The following CRAMP1 variants were observed in gnomAD, a reference collection of about 807,000 sequenced individuals.
CRAMP1 encodes the protein cramped chromatin regulator 1.
Under a neutral mutation model 115.4 loss-of-function variants are expected in CRAMP1, and 50 were observed. The observed-to-expected ratio is 0.43, with a 90% CI of 0.35 to 0.55. The LOEUF (loss-of-function observed/expected upper bound fraction) is 0.55, where lower values mean the gene tolerates loss of function less well. Among genes scored for constraint, CRAMP1 ranks in the 20% least tolerant of loss-of-function variants. The probability of loss-of-function intolerance (pLI) is 0.01; values close to 1 mark genes in which losing one functional copy is unlikely to be tolerated. For missense variants in CRAMP1, 1,679 were observed against 1,721.7 expected (o/e 0.98, Z 0.44); for synonymous variants, 866 against 745.4 (o/e 1.16, Z -2.64).
intron 6 of CRAMP1, among the ~76,000 whole-genome samples, chr16:1,649,458 C>T (rs1733920126): frequency 6.9e-6 from 1 of 144,120 alleles, no homozygotes; most frequent in South Asian, 2.2e-4. Context: ...CCAATTGGGA[C>T]CTCACTGTTT....
chr16:1,647,455 A>G (rs992392706), intron 6 of CRAMP1, among the ~76,000 whole-genome samples: 1 of 152,120 alleles, frequency 6.6e-6, no homozygotes. Flanking sequence ...CTGAAATGCT[A>G]TTCACCTAGG....
rs1459517777 is a variant in CRAMP1, at chr16:1,668,016, C to T, written c.3157C>T (p.Leu1053Phe). 1.9e-6 allele frequency: 3 copies of T among 1,613,854 alleles called. No homozygotes were observed. Among genetic ancestry groups the T allele is most frequent in the Non-Finnish European group, 2.5e-6 (3 of 1,179,840 alleles). ...ELPKAPLQNGLSIPLSSSESS... is the reference protein window; with the variant it reads ...ELPKAPLQNGFSIPLSSSESS... ...GCCCAAGGCCCCTCTCCAGAATGGC[C>T]TCTCCATACCGCTGTCCTCGTCAGA... is the stretch of plus-strand genomic sequence containing the variant. The change falls in exon 18 of 21, where the codon CTC (leucine) becomes TTC (phenylalanine). Residue 1053 changes from leucine (L) to phenylalanine (F), a missense_variant. Transcript: ENST00000397412.
At chr16:1,650,510 G>A (rs945777775) in intron 6 of CRAMP1, among the ~76,000 whole-genome samples, 2 of 152,138 alleles carry the variant, frequency 1.3e-5, no homozygotes, top group Non-Finnish European at 2.9e-5. Context: ...TAAAATATAA[G>A]ACCCTCTTCA....
At chr16:1,642,650 C>T (rs995992348) in intron 6 of CRAMP1, among the ~76,000 whole-genome samples, 5 of 152,226 alleles carry the variant, frequency 3.3e-5, no homozygotes, top group African/African-American at 7.2e-5. Context: ...TTGGAGGAAC[C>T]GTCTTGAGAA....
intron 20 of CRAMP1, 42 bp from the exon 21 acceptor site, chr16:1,673,839 C>T (rs1201920109): frequency 1.2e-6 from 2 of 1,602,406 alleles, no homozygotes; most frequent in Non-Finnish European, 1.7e-6. Context: ...GAAGGGCCAG[C>T]AGGTCGCGGT....
chr16:1,630,964 C>G (rs1371199389), intron 3 of CRAMP1, among the ~76,000 whole-genome samples: 1 of 152,220 alleles, frequency 6.6e-6, no homozygotes, highest in Non-Finnish European at 1.5e-5. Flanking sequence ...TCGCTGCCCT[C>G]AGGCAGCGTC....
intron 4 of CRAMP1, among the ~76,000 whole-genome samples, chr16:1,635,076 T>C (rs1001328519): frequency 6.6e-6 from 1 of 152,072 alleles, no homozygotes; most frequent in African/African-American, 2.4e-5. Context: ...TTTTATATTT[T>C]TTAGGAGAGA....
At position 1,672,776 on chromosome 16, in the gene CRAMP1, C is replaced by T. The variant is rs1049235077; in HGVS notation, c.3646-1105C>T. On this transcript the variant is annotated intron_variant, in intron 20 of 20. Transcript: ENST00000397412. The surrounding 1 kb of genome is among the most constrained non-coding windows in gnomAD (Gnocchi z 4.9). ...GGACGCAGACAATAAGCGCTGAAAA[C>T]GGCACATTCTACGTATTTGCTCATG... is the stretch of plus-strand genomic sequence containing the variant. Among the ~76,000 whole-genome samples, 32 of 152,080 alleles carry T rather than the reference C, an allele frequency of 2.1e-4. No individual in the cohort carries two copies. Among genetic ancestry groups the T allele is most frequent in the Non-Finnish European group, 3.5e-4 (24 of 68,018 alleles).
At position 1,672,987 on chromosome 16, in the gene CRAMP1, G is replaced by A. The variant is rs953206705; in HGVS notation, c.3646-894G>A. Among the ~76,000 whole-genome samples, 4 of 152,258 alleles carry A rather than the reference G, an allele frequency of 2.6e-5. No homozygotes were observed. Among genetic ancestry groups the A allele is most frequent in the African/African-American group, 4.8e-5 (2 of 41,546 alleles). ...CCCCATGTGTCCTCATGTCTCTGAC[G>A]GGAACGTGCTCCCCACATGTCCTCA... On this transcript the variant is annotated intron_variant, in intron 20 of 20. Coordinates refer to ENST00000397412, the MANE Select transcript of CRAMP1 (RefSeq NM_020825.4). This position sits in a 1 kb window ranked among gnomAD's most constrained non-coding sequence, Gnocchi z 4.9.
At chr16:1,652,083 G>T (rs1214332546) in intron 6 of CRAMP1, among the ~76,000 whole-genome samples, 2 of 152,208 alleles carry the variant, frequency 1.3e-5, no homozygotes, top group African/African-American at 4.8e-5. Flanking sequence ...AGGTCATGGG[G>T]AGGAGGACTG....
At chr16:1,633,784 A>C (rs971037535) in intron 4 of CRAMP1, among the ~76,000 whole-genome samples, 1 of 152,198 alleles carries the variant, frequency 6.6e-6, no homozygotes, top group Non-Finnish European at 1.5e-5. Flanking sequence ...TTTGAAAGAC[A>C]GTCCAGGCTG....
Position 1,673,844 on chromosome 16 carries a change from C to G in CRAMP1, c.3646-37C>G, listed in dbSNP as rs191694556. 382 of 1,607,516 alleles carry G rather than the reference C, an allele frequency of 2.4e-4. 5 individuals carry two copies. In the East Asian group the frequency reaches 8.4e-3, roughly 35 times the overall value. On this transcript the variant is annotated intron_variant, in intron 20 of 20. Transcript: ENST00000397412. ...GCCCTCCACTGAAGGGCCAGCAGGT[C>G]GCGGTGACTTGTTCTTCCTGTCTCC...
chr16:1,668,962 C>A (rs775693451), intron 18 of CRAMP1, 39 bp from the exon 19 acceptor site: 8 of 1,605,866 alleles, frequency 5.0e-6, no homozygotes, highest in Non-Finnish European at 6.0e-6. Flanking sequence ...TTCACCACCC[C>A]GCAACAAGGC....
At chr16:1,634,959 C>T (rs993387697) in intron 4 of CRAMP1, among the ~76,000 whole-genome samples, 6 of 152,140 alleles carry the variant, frequency 3.9e-5, no homozygotes, top group South Asian at 2.1e-4. Flanking sequence ...AGTGCCATGG[C>T]GCACTCTCAG....
chr16:1,613,759 C>T (rs2036387138), intron 1 of CRAMP1, among the ~76,000 whole-genome samples: 1 of 152,200 alleles, frequency 6.6e-6, no homozygotes, highest in Non-Finnish European at 1.5e-5. Context: ...CTTCTTGCAC[C>T]TGGACCCGGA....
chr16:1,617,131 A>G (rs1255815458), intron 2 of CRAMP1, among the ~76,000 whole-genome samples: 1 of 152,168 alleles, frequency 6.6e-6, no homozygotes. Context: ...GCCACAAGCA[A>G]ATATATCTTT....
chr16:1,615,845 C>T (rs2036414387), intron 2 of CRAMP1, among the ~76,000 whole-genome samples: 1 of 152,176 alleles, frequency 6.6e-6, no homozygotes, highest in Non-Finnish European at 1.5e-5. Flanking sequence ...ACATCAGCTT[C>T]CAGTGAGTTT....
intron 2 of CRAMP1, among the ~76,000 whole-genome samples, chr16:1,622,990 A>T (rs1158200605): frequency 1.3e-5 from 2 of 151,546 alleles, no homozygotes; most frequent in African/African-American, 4.9e-5. Context: ...CGAATTCCTG[A>T]CCTCAAGAGA....
At chr16:1,615,362 G>A (rs1259897444) in intron 2 of CRAMP1, among the ~76,000 whole-genome samples, 1 of 152,206 alleles carries the variant, frequency 6.6e-6, no homozygotes, top group Non-Finnish European at 1.5e-5. Flanking sequence ...CCAGACATCA[G>A]GCGGTGGAAA....
Sources: gnomAD v4.1 joint callset for allele counts (sites outside exome capture counted in the v4.1 genomes callset) on GRCh38, gnomAD v4.1.1 for gene constraint, Gnocchi (gnomAD v3.1) non-coding constraint, MANE v1.5 for transcripts, NCBI Gene and HGNC (gene_info 2026-07-23, HGNC 2026-07-21) for gene names.